Variants in NRXN2 observed in about 807,000 individuals in gnomAD.
NRXN2 encodes neurexin-2-beta.
Under a neutral mutation model 128.8 loss-of-function variants are expected in NRXN2, and 29 were observed. That is an observed-to-expected ratio of 0.23 (90% confidence interval 0.17 to 0.31). The LOEUF is 0.31. Ranked by LOEUF, NRXN2 falls within the 10% of genes least tolerant of loss-of-function variation. The pLI is 1.00. For missense variants in NRXN2, 1,881 were observed against 2,452.6 expected, an observed-to-expected ratio of 0.77 and a Z score of 4.92; for synonymous variants, 1,098 against 1,075.2, an observed-to-expected ratio of 1.02 and a Z score of -0.41.
Position 64,713,266 on chromosome 11 carries a change from T to C in NRXN2, c.434A>G (p.Gln145Arg). Residue 145 changes from glutamine to arginine, a missense_variant, in exon 2 of 23, where the codon CAG becomes CGG. By Grantham distance (43) the Gln-to-Arg change is conservative. This residue lies in a region of NRXN2 where 997 missense variants were observed against 1,240.8 expected (regional missense o/e 0.80). Coordinates refer to ENST00000265459, the MANE Select transcript of NRXN2 (RefSeq NM_015080.4). Reference sequence around the variant, plus strand: ...GCCCACGAACAGGTCGCTGGCCACCTGCATCTCGCGCCGCTTGGAGCGCAC... The same window carrying C: ...GCCCACGAACAGGTCGCTGGCCACCCGCATCTCGCGCCGCTTGGAGCGCAC... ...AEVRSKRREM[Q>R]VASDLFVGGI... 2 of 1,421,854 alleles carry C rather than the reference T, an allele frequency of 1.4e-6. No individual in the cohort carries two copies. Among genetic ancestry groups the C allele is most frequent in the Non-Finnish European group, 1.8e-6 (2 of 1,088,594 alleles). The allele number at this position is 1,421,854 out of a possible 1,614,324, so 88.1% of individuals were successfully genotyped here. A position where few individuals can be genotyped will look rare whatever the true frequency, so the allele number is the denominator to read the frequency against.
intron 14 of NRXN2, 62 bp from the exon 15 acceptor site, chr11:64,650,700 G>A: frequency 6.6e-7 from 1 of 1,509,928 alleles, no homozygotes; most frequent in Non-Finnish European, 9.2e-7. Flanking sequence ...AAGGTGGGGT[G>A]AGGAGGAGCT....
chr11:64,660,199 G>GCA lies in NRXN2; in HGVS notation c.2389+132_2389+133insTG. 1 of 961,538 alleles carries GCA rather than the reference G, an allele frequency of 1.0e-6. No homozygotes were observed. The highest frequency in any genetic ancestry group is 1.6e-6 in the Non-Finnish European group (1 of 606,492). The allele number at this position is 961,538 out of a possible 1,614,324, so 59.6% of individuals were successfully genotyped here. ...CTCTCAGGGTCTCTGACCCAGGCTG[G>GCA]CGCCTCCCCACCTCCAAACTCTGCT... On this transcript the variant is annotated intron_variant, in intron 11 of 22. Transcript: ENST00000265459. This position sits in a 1 kb window ranked among gnomAD's most constrained non-coding sequence, Gnocchi z 5.2.
chr11:64,702,296 G>A (rs1156862512), intron 2 of NRXN2, among the ~76,000 whole-genome samples: 1 of 152,228 alleles, frequency 6.6e-6, no homozygotes, highest in Non-Finnish European at 1.5e-5. Context: ...CCGTCTGGGA[G>A]GTGTACCCAA....
intron 7 of NRXN2, among the ~76,000 whole-genome samples, chr11:64,674,316 G>A (rs745871814): frequency 1.3e-5 from 2 of 152,046 alleles, no homozygotes; most frequent in Admixed American, 6.6e-5. Context: ...TTAGCCTCCC[G>A]AGTAGCTGGG....
At chr11:64,675,666 C>T (rs1371664536) in intron 7 of NRXN2, 1 of 152,548 alleles carries the variant, frequency 6.6e-6, no homozygotes, top group South Asian at 2.1e-4. Context: ...CGCACACACA[C>T]TCTGAGGCAA....
Position 64,660,928 on chromosome 11 carries a change from G to C in NRXN2, c.2010C>G (p.Leu670=). The stretch of plus-strand genomic sequence containing the variant: ...CCCCCTGAGCCTCAGCCAGGCCCCG[G>C]AGGTCTCGGCTACGCCCATCTATGA... ...DLFIDGRSRD[L]RGLAEAQGAV... is the part of the protein sequence containing the mutation. The change falls in exon 10 of 23, where the codon CTC becomes CTG. Residue 670 remains leucine, a synonymous_variant. Coordinates refer to ENST00000265459, the MANE Select transcript of NRXN2 (RefSeq NM_015080.4). This position sits in a 1 kb window ranked among gnomAD's most constrained non-coding sequence, Gnocchi z 5.2. The C allele has an allele frequency of 6.2e-7, 1 of 1,613,728 alleles. No homozygotes were observed. Among genetic ancestry groups the C allele is most frequent in the Non-Finnish European group, 8.5e-7 (1 of 1,179,856 alleles).
At chr11:64,680,815 G>T (rs560122958) in intron 6 of NRXN2, among the ~76,000 whole-genome samples, 39 of 152,114 alleles carry the variant, frequency 2.6e-4, no homozygotes, top group Non-Finnish European at 5.4e-4. Flanking sequence ...AGTGAATTAG[G>T]CTCAGGCACA....
chr11:64,715,918 G>A (rs963891970), intron 1 of NRXN2, among the ~76,000 whole-genome samples: 2 of 152,186 alleles, frequency 1.3e-5, no homozygotes, highest in African/African-American at 4.8e-5. Context: ...CAGCCTGATT[G>A]ACGCCCTCAC....
In NRXN2 at chr11:64,606,840, C is replaced by A; in HGVS notation, c.*356G>T. 3.9e-6 allele frequency: 1 copy of A among 256,254 alleles called. No individual in the cohort carries two copies. The highest frequency in any genetic ancestry group is 7.7e-5 in the East Asian group (1 of 12,922). 15.9% of individuals were successfully genotyped at this position (256,254 alleles called of 1,614,324 possible). A position where few individuals can be genotyped will look rare whatever the true frequency, so the allele number is the denominator to read the frequency against. On this transcript the variant is annotated 3_prime_UTR_variant, in exon 23 of 23. Coordinates refer to ENST00000265459, the MANE Select transcript of NRXN2 (RefSeq NM_015080.4). The stretch of plus-strand genomic sequence containing the variant: ...GAAAAATTGAGGAAAATTAACAGGA[C>A]GAGCAGTGGACACTTTACAAAACCC...
chr11:64,628,709 T>C (rs1389216308), intron 19 of NRXN2, among the ~76,000 whole-genome samples: 1 of 152,228 alleles, frequency 6.6e-6, no homozygotes, highest in Admixed American at 6.5e-5. Context: ...TGCCCTAGTA[T>C]GTGTGCATCG....
chr11:64,662,363 C>G (rs1324294800), intron 9 of NRXN2, among the ~76,000 whole-genome samples: 1 of 152,152 alleles, frequency 6.6e-6, no homozygotes, highest in Non-Finnish European at 1.5e-5. Context: ...GACTTGGGAT[C>G]TGGTAGGAGT....
intron 2 of NRXN2, among the ~76,000 whole-genome samples, chr11:64,710,291 A>G (rs1326827628): frequency 2.0e-5 from 3 of 152,028 alleles, no homozygotes; most frequent in African/African-American, 7.3e-5. Context: ...ATATTCAACC[A>G]TCTCTCACAG....
intron 1 of NRXN2, among the ~76,000 whole-genome samples, chr11:64,717,835 A>G (rs1005517356): frequency 3.3e-5 from 5 of 152,172 alleles, no homozygotes; most frequent in African/African-American, 1.2e-4. Context: ...CAGTCCAGGT[A>G]AAGGGTGTGA....
At chr11:64,704,827 T>C (rs559702785) in intron 2 of NRXN2, among the ~76,000 whole-genome samples, 2 of 152,270 alleles carry the variant, frequency 1.3e-5, no homozygotes, top group East Asian at 3.9e-4. Flanking sequence ...GCATAATACC[T>C]GAGGGGAATC....
Position 64,650,525 on chromosome 11 carries a change from C to A in NRXN2, c.3032G>T (p.Gly1011Val). The change falls in exon 15 of 23, where the codon GGC becomes GTC. Residue 1011 changes from glycine to valine, a missense_variant. Around this residue, in one of 7 missense-constraint regions of NRXN2, gnomAD observed 390 missense variants for 599.6 expected, o/e 0.65. Coordinates refer to ENST00000265459, the MANE Select transcript of NRXN2 (RefSeq NM_015080.4). The part of the protein sequence containing the change: ...WHNVVVSRDP[G>V]NVHTLKIDSR... The stretch of plus-strand genomic sequence containing the variant: ...GTCAATCTTGAGCGTGTGCACGTTG[C>A]CTGGGTCCCTGGACACCACCACGTT... 1 of 1,614,134 alleles carries A rather than the reference C, an allele frequency of 6.2e-7. No individual in the cohort carries two copies. Among genetic ancestry groups the A allele is most frequent in the Non-Finnish European group, 8.5e-7 (1 of 1,180,030 alleles).
chr11:64,667,649 G>C lies in NRXN2; in HGVS notation c.1399C>G (p.Arg467Gly), dbSNP rs142409712. ...KNNDFKLELSRLAKEGDPKMK... is the reference protein window; with the variant it reads ...KNNDFKLELSGLAKEGDPKMK... Reference sequence around the variant, plus strand: ...TTGGGGTCCCCTTCCTTTGCCAGGCGGGATAGTTCCAATTTGAAGTCATTG... The same window carrying C: ...TTGGGGTCCCCTTCCTTTGCCAGGCCGGATAGTTCCAATTTGAAGTCATTG... The change falls in exon 9 of 23, where the codon CGC becomes GGC. Residue 467 changes from arginine to glycine, a missense_variant. Around this residue, in one of 7 missense-constraint regions of NRXN2, gnomAD observed 997 missense variants for 1,240.8 expected, o/e 0.80. Transcript: ENST00000265459. This position sits in a 1 kb window ranked among gnomAD's most constrained non-coding sequence, Gnocchi z 5.6. 4 of 1,614,192 alleles carry C rather than the reference G, an allele frequency of 2.5e-6. No individual in the cohort carries two copies.
Position 64,651,235 on chromosome 11 carries a change from T to C in NRXN2, c.2918+20A>G. 1.2e-6 allele frequency: 2 copies of C among 1,613,730 alleles called. No individual in the cohort carries two copies. Among genetic ancestry groups the C allele is most frequent in the Non-Finnish European group, 1.7e-6 (2 of 1,179,990 alleles). ...GAGGGGGCCACCTCCTTGACAGCAGTGCAATCCCCAGCCCCTCACCCCTTG... is the reference window on the plus strand; with the variant it reads ...GAGGGGGCCACCTCCTTGACAGCAGCGCAATCCCCAGCCCCTCACCCCTTG... On this transcript the variant is annotated intron_variant, in intron 14 of 22. Transcript: ENST00000265459. The surrounding 1 kb of genome is among the most constrained non-coding windows in gnomAD (Gnocchi z 5.9).
At chr11:64,614,830 G>A (rs1170845446) in intron 22 of NRXN2, among the ~76,000 whole-genome samples, 1 of 152,248 alleles carries the variant, frequency 6.6e-6, no homozygotes, top group Non-Finnish European at 1.5e-5. Flanking sequence ...CCATTCCAGA[G>A]GAGCCAGGTC....
chr11:64,654,838 C>T (rs2135466450), intron 11 of NRXN2, among the ~76,000 whole-genome samples: 1 of 152,330 alleles, frequency 6.6e-6, no homozygotes, highest in Middle Eastern at 3.4e-3. Context: ...GTCCTCATCT[C>T]CACCCTAACA....
Sources: allele counts gnomAD v4.1 joint callset (sites outside exome capture counted in the v4.1 genomes callset), GRCh38; gene constraint gnomAD v4.1.1; regional missense constraint gnomAD v4.1.1; non-coding constraint Gnocchi (gnomAD v3.1); transcripts MANE v1.5; gene names NCBI Gene and HGNC (gene_info 2026-07-23, HGNC 2026-07-21).